Variants in TECPR2 observed in about 807,000 individuals in gnomAD.
TECPR2 encodes tectonin beta-propeller repeat containing 2, also known as tectonin beta-propeller repeat-containing protein 2.
TECPR2 carries 65 observed loss-of-function variants against 138.1 expected under a neutral mutation model. The ratio of observed to expected loss-of-function variants is 0.47; its 90% CI spans 0.39 to 0.58. The LOEUF is 0.58. Ranked by LOEUF, TECPR2 falls within the 20% of genes least tolerant of loss-of-function variation. The probability of loss-of-function intolerance (pLI) is 0.00; values close to 1 mark genes in which losing one functional copy is unlikely to be tolerated. For missense variants in TECPR2, 1,553 were observed against 1,824.5 expected (o/e 0.85, Z 2.71); for synonymous variants, 746 against 749.8 (o/e 0.99, Z 0.08).
intron 18 of TECPR2, 125 bp downstream of exon 18, chr14:102,497,245 C>T (rs563822934): frequency 1.1e-5 from 15 of 1,411,226 alleles, no homozygotes; most frequent in South Asian, 7.3e-5. Context: ...GTGCTGTCGC[C>T]GCTGCTTCCT....
chr14:102,479,845 C>T (rs572671742), intron 17 of TECPR2, among the ~76,000 whole-genome samples: 3 of 152,352 alleles, frequency 2.0e-5, no homozygotes, highest in East Asian at 1.9e-4. Flanking sequence ...CTGGCCTGCA[C>T]GCAGGTGCCT....
chr14:102,378,299 T>A (rs1316439205), intron 2 of TECPR2, among the ~76,000 whole-genome samples: 1 of 152,250 alleles, frequency 6.6e-6, no homozygotes, highest in Admixed American at 6.5e-5. Context: ...GTAACTAATT[T>A]AAGCCTCTGT....
chr14:102,457,697 C>T lies in TECPR2; in HGVS notation c.3640+5070C>T, dbSNP rs572141260. Among the ~76,000 whole-genome samples the T allele has an allele frequency of 2.3e-4, 35 of 152,140 alleles. 1 individual carries two copies. Among genetic ancestry groups the T allele is most frequent in the Non-Finnish European group, 3.8e-4 (26 of 68,016 alleles). ...AGGAATTTAAAACCAACCTGGCCAA[C>T]ATAGCAAGACCCCATCTCTAAAAAT... On this transcript the variant is annotated intron_variant, in intron 16 of 19. Coordinates refer to ENST00000359520, the MANE Select transcript of TECPR2 (RefSeq NM_014844.5).
intron 1 of TECPR2, among the ~76,000 whole-genome samples, chr14:102,376,098 G>A (rs1887633134): frequency 6.6e-6 from 1 of 152,192 alleles, no homozygotes. Flanking sequence ...CCAGGCCAGG[G>A]CACCTGTTCT....
In TECPR2 at chr14:102,483,049, C is replaced by T. The variant is rs147402567; in HGVS notation, c.3790-13930C>T. Among the ~76,000 whole-genome samples, 105 of 150,792 alleles carry T rather than the reference C, an allele frequency of 7.0e-4. 4 individuals are homozygous for T. In the East Asian group the frequency reaches 0.016, roughly 24 times the overall value. On this transcript the variant is annotated intron_variant, in intron 17 of 19. Transcript: ENST00000359520. ...TGTATTTTTAGTAGAGATGGGGTTTCACCGTGTTAGCCAGGATGGTCTCGA... is the reference window on the plus strand; with the variant it reads ...TGTATTTTTAGTAGAGATGGGGTTTTACCGTGTTAGCCAGGATGGTCTCGA...
chr14:102,461,050 A>G (rs1197425233), intron 16 of TECPR2, among the ~76,000 whole-genome samples: 2 of 151,942 alleles, frequency 1.3e-5, no homozygotes, highest in Non-Finnish European at 2.9e-5. Flanking sequence ...TATACAAATT[A>G]CCAGAGCAAT....
At position 102,438,144 on chromosome 14, in the gene TECPR2, C is replaced by T. The variant is rs1005221787; in HGVS notation, c.2517C>T (p.Gly839=). The T allele has an allele frequency of 1.1e-5, 17 of 1,613,534 alleles. No homozygotes were observed. Among genetic ancestry groups the T allele is most frequent in the African/African-American group, 2.7e-5 (2 of 74,886 alleles). ...GCCTGTTCTGCAGCGCGTTGCCGGGCGCCGGGCTGCGCTGGCAGAAGTTTG... is the reference window on the plus strand; with the variant it reads ...GCCTGTTCTGCAGCGCGTTGCCGGGTGCCGGGCTGCGCTGGCAGAAGTTTG... ...KGGLFCSALP[G]AGLRWQKFED... is the part of the protein sequence containing the mutation. Residue 839 remains glycine, a synonymous_variant, in exon 10 of 20, where the codon GGC becomes GGT. Coordinates refer to ENST00000359520, the MANE Select transcript of TECPR2 (RefSeq NM_014844.5).
intron 17 of TECPR2, among the ~76,000 whole-genome samples, chr14:102,467,553 G>C (rs1316503101): frequency 6.6e-6 from 1 of 151,980 alleles, no homozygotes; most frequent in African/African-American, 2.4e-5. Flanking sequence ...TCGAACTCCT[G>C]ACCTCAGGTA....
intron 17 of TECPR2, 81 bp from the exon 18 acceptor site, chr14:102,496,898 T>C: frequency 6.4e-7 from 1 of 1,565,316 alleles, no homozygotes; most frequent in South Asian, 1.2e-5. Context: ...GCCACTAACA[T>C]GTCCCCAGTT....
Position 102,434,719 on chromosome 14 carries a change from C to T in TECPR2, c.1902C>T (p.Gly634=), listed in dbSNP as rs2139731230. ...ATGGGGAAGACATCCAACCCATTGG[C>T]CCCCAAAGCACTTTTTGTGAAGTCC... ...AHDGEDIQPI[G]PQSTFCEVPL... The change falls in exon 9 of 20, where the codon GGC becomes GGT. Residue 634 remains glycine (G), a synonymous_variant. Coordinates refer to ENST00000359520, the MANE Select transcript of TECPR2 (RefSeq NM_014844.5). The T allele has an allele frequency of 1.2e-6, 2 of 1,613,670 alleles. No homozygotes were observed. The highest frequency in any genetic ancestry group is 1.7e-6 in the Non-Finnish European group (2 of 1,179,968).
At chr14:102,428,228 T>C in intron 6 of TECPR2, 22 bp from the exon 7 acceptor site, 1 of 1,316,514 alleles carries the variant, frequency 7.6e-7, no homozygotes, top group Non-Finnish European at 9.8e-7. Flanking sequence ...TTTTGTTTTT[T>C]TTTTTTTTTT....
chr14:102,376,676 A>G lies in TECPR2; in HGVS notation c.-46A>G, dbSNP rs1470759463. The G allele has an allele frequency of 3.8e-6, 6 of 1,575,048 alleles. No individual in the cohort carries two copies. Among genetic ancestry groups the G allele is most frequent in the African/African-American group, 1.3e-5 (1 of 74,074 alleles). ...CCCCAGGTTTCCCTAGATGACAAAT[A>G]AACATTCCTTTTCCTGCGTGAAGAT... On this transcript the variant is annotated 5_prime_UTR_variant, in exon 2 of 20. In the 5' UTR this introduces an upstream ATG that the reference lacks. Coordinates refer to ENST00000359520, the MANE Select transcript of TECPR2 (RefSeq NM_014844.5).
Position 102,404,722 on chromosome 14 carries a change from G to A in TECPR2, c.220-2616G>A, listed in dbSNP as rs375737174. On this transcript the variant is annotated intron_variant, in intron 2 of 19. Coordinates refer to ENST00000359520, the MANE Select transcript of TECPR2 (RefSeq NM_014844.5). Reference sequence around the variant, plus strand: ...CTCCCGAGTAGCTGGGACTACAGGCGTGTGGCACCACACCTGGCTAATTTG... The same window carrying A: ...CTCCCGAGTAGCTGGGACTACAGGCATGTGGCACCACACCTGGCTAATTTG... Among the ~76,000 whole-genome samples the A allele has an allele frequency of 3.0e-4, 45 of 151,820 alleles. 1 individual carries two copies. The East Asian group carries it at 4.3e-3, about 15-fold the overall frequency.
chr14:102,497,577 G>T lies in TECPR2; in HGVS notation c.3939G>T (p.Gln1313His). ...GACCCTGTCTGCCCACAGGGTTGCAGGCCTGCCAGCTGGCGCTGAGCACCA... is the reference window on the plus strand; with the variant it reads ...GACCCTGTCTGCCCACAGGGTTGCATGCCTGCCAGCTGGCGCTGAGCACCA... ...GTAWEHVPGL[Q>H]ACQLALSTRT... Residue 1313 changes from glutamine (Q) to histidine (H), a missense_variant, in exon 19 of 20, where the codon CAG becomes CAT. Gln to His is a conservative substitution (Grantham distance 24). Transcript: ENST00000359520. 6.3e-7 allele frequency: 1 copy of T among 1,598,852 alleles called. No individual in the cohort carries two copies. The highest frequency in any genetic ancestry group is 1.7e-5 in the Admixed American group (1 of 59,100).
rs1318281580 is a variant in TECPR2 at position 102,403,705 on chromosome 14, T to C, written c.220-3633T>C. ...AGCATACAAAGTCAATGCACAAAAA[T>C]CAGTTGCATTTCTAAACACCAACAA... On this transcript the variant is annotated intron_variant, in intron 2 of 19. Coordinates refer to ENST00000359520, the MANE Select transcript of TECPR2 (RefSeq NM_014844.5). Among the ~76,000 whole-genome samples, 4 of 152,048 alleles carry C rather than the reference T, an allele frequency of 2.6e-5. No homozygotes were observed. The East Asian group carries it at 7.7e-4, about 29-fold the overall frequency.
chr14:102,490,134 C>T (rs1891122924), intron 17 of TECPR2, among the ~76,000 whole-genome samples: 2 of 152,154 alleles, frequency 1.3e-5, no homozygotes, highest in African/African-American at 4.8e-5. Context: ...GTGTTAACCC[C>T]ACGCGGCACC....
At position 102,408,597 on chromosome 14, in the gene TECPR2, ATTC is replaced by A. The variant is rs780807998; in HGVS notation, c.463_465del (p.Ser155del). ...GGAGATGACAAAGGCAAAATTGTTT[ATTC>A]TTCTCTGGATCTAGACCAGGTAAAA... On this transcript the variant is annotated inframe_deletion, in exon 4 of 20. Coordinates refer to ENST00000359520, the MANE Select transcript of TECPR2 (RefSeq NM_014844.5). 2 of 1,613,260 alleles carry A rather than the reference ATTC, an allele frequency of 1.2e-6. No individual in the cohort carries two copies. Among genetic ancestry groups the A allele is most frequent in the South Asian group, 2.2e-5 (2 of 90,790 alleles).
intron 2 of TECPR2, among the ~76,000 whole-genome samples, chr14:102,392,944 T>A (rs1246258395): frequency 6.6e-6 from 1 of 152,218 alleles, no homozygotes; most frequent in Middle Eastern, 3.2e-3. Flanking sequence ...TTCCAATCAA[T>A]GCTTGAGATA....
intron 2 of TECPR2, among the ~76,000 whole-genome samples, chr14:102,406,761 C>T (rs1021018655): frequency 3.3e-5 from 5 of 152,014 alleles, no homozygotes; most frequent in South Asian, 4.1e-4. Context: ...GGCTGAGGTG[C>T]GAGGATCGCT....
Sources: allele counts gnomAD v4.1 joint callset (sites outside exome capture counted in the v4.1 genomes callset), GRCh38; gene constraint gnomAD v4.1.1; transcripts MANE v1.5; gene names NCBI Gene and HGNC (gene_info 2026-07-23, HGNC 2026-07-21).